Variants in PTPRT observed in about 807,000 individuals in gnomAD.
The protein encoded by PTPRT is protein tyrosine phosphatase receptor type T.
In PTPRT, 56 loss-of-function variants were observed where a neutral mutation model predicts 176.8. The ratio of observed to expected loss-of-function variants is 0.32; its 90% CI spans 0.26 to 0.40. The LOEUF (loss-of-function observed/expected upper bound fraction) is 0.40, where lower values mean the gene tolerates loss of function less well. Among genes scored for constraint, PTPRT ranks in the 10% least tolerant of loss-of-function variants. PTPRT has a pLI of 1.00. For synonymous variants in PTPRT, 783 were observed against 739.0 expected, an observed-to-expected ratio of 1.06 and a Z score of -0.96; for missense variants, 1,540 against 1,908.2, an observed-to-expected ratio of 0.81 and a Z score of 3.60.
chr20:42,892,001 T>C (rs1600526702), intron 1 of PTPRT, among the ~76,000 whole-genome samples: 1 of 152,348 alleles, frequency 6.6e-6, no homozygotes, highest in African/African-American at 2.4e-5. Flanking sequence ...TGTGGCTGTG[T>C]TCCAATAAAA....
At chr20:43,180,758 C>A (rs1294160845) in intron 1 of PTPRT, among the ~76,000 whole-genome samples, 1 of 152,128 alleles carries the variant, frequency 6.6e-6, no homozygotes, top group African/African-American at 2.4e-5. Flanking sequence ...CCACCACCCC[C>A]AGCCAATATA....
chr20:42,898,671 G>A (rs559360856), intron 1 of PTPRT, among the ~76,000 whole-genome samples: 1 of 152,252 alleles, frequency 6.6e-6, no homozygotes, highest in Non-Finnish European at 1.5e-5. Context: ...TCTGCCTGGT[G>A]CATTTGTACA....
chr20:42,673,912 T>C (rs1450629836), intron 7 of PTPRT, among the ~76,000 whole-genome samples: 2 of 152,212 alleles, frequency 1.3e-5, no homozygotes, highest in Non-Finnish European at 2.9e-5. Flanking sequence ...AAGCATGCTA[T>C]TTCAATGCTT....
At chr20:43,073,155 GA>G (rs1322824364) in intron 1 of PTPRT, among the ~76,000 whole-genome samples, 2 of 151,976 alleles carry the variant, frequency 1.3e-5, no homozygotes, top group Admixed American at 6.6e-5. Flanking sequence ...GCTCATGAAG[GA>G]AAAAATACAA....
intron 5 of PTPRT, among the ~76,000 whole-genome samples, chr20:42,767,743 G>T (rs1225159957): frequency 1.4e-5 from 2 of 141,476 alleles, no homozygotes; most frequent in Admixed American, 7.2e-5. Flanking sequence ...TCTTTAATGA[G>T]TGCTATATAA....
chr20:42,915,662 C>T (rs941028547), intron 1 of PTPRT, among the ~76,000 whole-genome samples: 1 of 152,164 alleles, frequency 6.6e-6, no homozygotes, highest in Non-Finnish European at 1.5e-5. Flanking sequence ...CACTCTGTCA[C>T]CCAGGCTGTA....
intron 7 of PTPRT, among the ~76,000 whole-genome samples, chr20:42,476,651 G>A (rs1449352215): frequency 6.6e-6 from 1 of 152,140 alleles, no homozygotes; most frequent in East Asian, 1.9e-4. Flanking sequence ...AAGGCAAGAA[G>A]GACTCTGGTG....
chr20:42,921,946 A>T (rs1979172664), intron 1 of PTPRT, among the ~76,000 whole-genome samples: 1 of 151,352 alleles, frequency 6.6e-6, no homozygotes, highest in African/African-American at 2.4e-5. Context: ...TCTTCCACCT[A>T]CTCTTTTGAG....
intron 26 of PTPRT, among the ~76,000 whole-genome samples, chr20:42,099,067 AG>A (rs1985596362): frequency 6.6e-6 from 1 of 152,262 alleles, no homozygotes; most frequent in South Asian, 2.1e-4. Flanking sequence ...TCAATGGGGC[AG>A]TGGAAAGTAC....
At chr20:43,010,901 T>A (rs1985083364) in intron 1 of PTPRT, among the ~76,000 whole-genome samples, 1 of 152,038 alleles carries the variant, frequency 6.6e-6, no homozygotes, top group Admixed American at 6.6e-5. Context: ...GGTTCACAAG[T>A]CCCCTGAGAG....
intron 16 of PTPRT, 23 bp downstream of exon 16, chr20:42,199,217 T>TCCCCAA: frequency 6.2e-7 from 1 of 1,612,288 alleles, no homozygotes; most frequent in South Asian, 1.1e-5. Flanking sequence ...GATGTCCCCT[T>TCCCCAA]CCCCTTTGTT....
chr20:42,526,934 A>C (rs1434246538), intron 7 of PTPRT, among the ~76,000 whole-genome samples: 10 of 146,314 alleles, frequency 6.8e-5, no homozygotes, highest in Non-Finnish European at 7.5e-5. Context: ...GTTCTAAGAG[A>C]CTGACTTCTT....
chr20:42,267,087 C>A (rs2146985781), intron 13 of PTPRT, among the ~76,000 whole-genome samples: 1 of 152,294 alleles, frequency 6.6e-6, no homozygotes, highest in Middle Eastern at 3.4e-3. Flanking sequence ...TTTGACTTTA[C>A]AATGCTGCTG....
chr20:42,511,652 G>A (rs1014466332), intron 7 of PTPRT, among the ~76,000 whole-genome samples: 1 of 152,056 alleles, frequency 6.6e-6, no homozygotes, highest in Non-Finnish European at 1.5e-5. Context: ...CATGTATCTG[G>A]AGATCAGGAT....
At chr20:42,265,043 G>C (rs947236026) in intron 13 of PTPRT, among the ~76,000 whole-genome samples, 1 of 152,212 alleles carries the variant, frequency 6.6e-6, no homozygotes, top group Non-Finnish European at 1.5e-5. Flanking sequence ...GATGGCACAA[G>C]TCTAAGATAA....
chr20:42,243,107 G>A (rs2056387213), intron 14 of PTPRT, among the ~76,000 whole-genome samples: 1 of 152,020 alleles, frequency 6.6e-6, no homozygotes, highest in African/African-American at 2.4e-5. Flanking sequence ...CAGAGACAGA[G>A]AGACAGAGAG....
intron 1 of PTPRT, among the ~76,000 whole-genome samples, chr20:43,158,696 A>G (rs2014598361): frequency 2.0e-5 from 3 of 152,164 alleles, no homozygotes; most frequent in Non-Finnish European, 2.9e-5. Context: ...ATTCTACTCT[A>G]TAACAATACT....
intron 9 of PTPRT, among the ~76,000 whole-genome samples, chr20:42,393,478 T>C (rs1380273095): frequency 5.3e-5 from 8 of 151,982 alleles, no homozygotes. Flanking sequence ...ACCTCAAACA[T>C]CTGCTTCCCC....
At chr20:42,189,712 G>A (rs1178468186) in intron 16 of PTPRT, among the ~76,000 whole-genome samples, 1 of 152,148 alleles carries the variant, frequency 6.6e-6, no homozygotes, top group East Asian at 1.9e-4. Context: ...CTAATTAAAG[G>A]CCACGGGCCC....
Sources: gnomAD v4.1 joint callset for allele counts (sites outside exome capture counted in the v4.1 genomes callset) on GRCh38, gnomAD v4.1.1 for gene constraint, MANE v1.5 for transcripts, NCBI Gene and HGNC (gene_info 2026-07-23, HGNC 2026-07-21) for gene names.